SNX27: variants seen among roughly 807,000 people sequenced by gnomAD.
SNX27 encodes the protein sorting nexin-27.
SNX27 carries 22 observed loss-of-function variants against 71.6 expected under a neutral mutation model. That is an observed-to-expected ratio of 0.31 (90% CI 0.22 to 0.44). The LOEUF (loss-of-function observed/expected upper bound fraction) is 0.44. Ranked by LOEUF, SNX27 falls within the 20% of genes least tolerant of loss-of-function variation. The probability of loss-of-function intolerance (pLI) is 1.00; values close to 1 mark genes in which losing one functional copy is unlikely to be tolerated. For missense variants in SNX27, 531 were observed against 698.6 expected (o/e 0.76, Z 2.70); for synonymous variants, 269 against 277.2 (o/e 0.97, Z 0.29).
intron 1 of SNX27, among the ~76,000 whole-genome samples, chr1:151,637,925 T>C (rs185816296): frequency 3.3e-5 from 5 of 152,350 alleles, no homozygotes; most frequent in Admixed American, 6.5e-5. Flanking sequence ...GTGTATTTCC[T>C]ACCTCTCTTG....
At position 151,682,279 on chromosome 1, in the gene SNX27, A is replaced by G. The variant is rs148995681; in HGVS notation, c.1150-1077A>G. Among the ~76,000 whole-genome samples the G allele has an allele frequency of 1.9e-3, 295 of 152,246 alleles. 2 individuals carry two copies. Among genetic ancestry groups the G allele is most frequent in the African/African-American group, 6.6e-3 (276 of 41,554 alleles). ...ATTTTCACACTGCTATAAAGACACTACCTGAGATTAGGTAATTTATAAAGA... is the reference window on the plus strand; with the variant it reads ...ATTTTCACACTGCTATAAAGACACTGCCTGAGATTAGGTAATTTATAAAGA... On this transcript the variant is annotated intron_variant, in intron 7 of 11. Coordinates refer to ENST00000458013, the MANE Select transcript of SNX27 (RefSeq NM_001330723.2).
At position 151,693,420 on chromosome 1, in the gene SNX27, T is replaced by C. The variant is rs1558079032; in HGVS notation, c.1519-4T>C. The C allele has an allele frequency of 6.2e-7, 1 of 1,614,114 alleles. No individual in the cohort carries two copies. The highest frequency in any genetic ancestry group is 1.7e-5 in the Admixed American group (1 of 59,986). ...TTAGTGAGTGTCACCACCTTTTTTT[T>C]CAGTTCAATTACATGCATGAGTGCT... On this transcript the variant is annotated splice_polypyrimidine_tract_variant and splice_region_variant and intron_variant, in intron 10 of 11. Coordinates refer to ENST00000458013, the MANE Select transcript of SNX27 (RefSeq NM_001330723.2).
chr1:151,637,005 T>C (rs1668487507), intron 1 of SNX27, among the ~76,000 whole-genome samples: 1 of 152,188 alleles, frequency 6.6e-6, no homozygotes, highest in Admixed American at 6.5e-5. Context: ...TTTACACATG[T>C]GGAAAGCAAG....
intron 2 of SNX27, among the ~76,000 whole-genome samples, chr1:151,646,454 ATAGAG>A (rs1669035501): frequency 6.6e-6 from 1 of 151,282 alleles, no homozygotes; most frequent in Non-Finnish European, 1.5e-5. Flanking sequence ...TTTTGGATGG[ATAGAG>A]TATTTTTAAA....
intron 2 of SNX27, among the ~76,000 whole-genome samples, chr1:151,641,911 A>G (rs909451743): frequency 2.1e-5 from 3 of 143,092 alleles, no homozygotes; most frequent in African/African-American, 7.7e-5. Context: ...TGAGATATAT[A>G]TATCAGCTAT....
intron 7 of SNX27, among the ~76,000 whole-genome samples, chr1:151,674,166 T>C (rs1360404470): frequency 1.3e-5 from 2 of 152,156 alleles, no homozygotes; most frequent in Non-Finnish European, 2.9e-5. Context: ...TTTTCTGTGG[T>C]GATATGATTT....
At chr1:151,638,778 A>T in intron 1 of SNX27, 110 bp from the exon 2 acceptor site, 1 of 935,984 alleles carries the variant, frequency 1.1e-6, no homozygotes, top group Non-Finnish European at 1.6e-6. Context: ...TAATCTTTTG[A>T]CTTCATGGTT....
intron 7 of SNX27, among the ~76,000 whole-genome samples, chr1:151,668,850 A>G (rs1434322025): frequency 6.6e-6 from 1 of 152,206 alleles, no homozygotes; most frequent in Non-Finnish European, 1.5e-5. Context: ...TATTTTTTAA[A>G]TATGTATTCT....
intron 5 of SNX27, 73 bp from the exon 6 acceptor site, chr1:151,665,860 C>T (rs1374345144): frequency 2.4e-6 from 3 of 1,272,866 alleles, no homozygotes; most frequent in Admixed American, 3.7e-5. Context: ...CCTCCACAGA[C>T]ATACACCTGC....
rs190853199 is a variant in SNX27 at position 151,648,482 on chromosome 1, C to T, written c.543+9363C>T. Among the ~76,000 whole-genome samples, 431 of 152,196 alleles carry T rather than the reference C, an allele frequency of 2.8e-3. 1 individual carries two copies. Among genetic ancestry groups the T allele is most frequent in the African/African-American group, 9.6e-3 (397 of 41,528 alleles). ...TTGCCCAGGCTGGAGTGCAATAGCGCGATCTTGGCTCACTGCAACCTCCAC... is the reference window on the plus strand; with the variant it reads ...TTGCCCAGGCTGGAGTGCAATAGCGTGATCTTGGCTCACTGCAACCTCCAC... On this transcript the variant is annotated intron_variant, in intron 2 of 11. Transcript: ENST00000458013.
intron 1 of SNX27, among the ~76,000 whole-genome samples, chr1:151,626,660 C>T (rs1393923310): frequency 6.6e-6 from 1 of 151,932 alleles, no homozygotes; most frequent in Admixed American, 6.6e-5. Context: ...CAAGATCGTG[C>T]CACTGCACTC....
chr1:151,681,500 C>T (rs1419355680), intron 7 of SNX27, among the ~76,000 whole-genome samples: 1 of 151,978 alleles, frequency 6.6e-6, no homozygotes, highest in Admixed American at 6.6e-5. Context: ...CCTTGGCCTC[C>T]CAAAGTGCTG....
At chr1:151,670,051 C>T (rs750621162) in intron 7 of SNX27, among the ~76,000 whole-genome samples, 2 of 152,138 alleles carry the variant, frequency 1.3e-5, no homozygotes, top group Non-Finnish European at 2.9e-5. Context: ...TTCCCCACTA[C>T]CCTTCCCAGA....
At chr1:151,663,635 A>G (rs1670061319) in intron 5 of SNX27, among the ~76,000 whole-genome samples, 1 of 151,820 alleles carries the variant, frequency 6.6e-6, no homozygotes, top group African/African-American at 2.4e-5. Context: ...TATATTTTCT[A>G]TAAATGGAAG....
intron 1 of SNX27, among the ~76,000 whole-genome samples, chr1:151,614,896 C>G (rs1015808633): frequency 1.3e-5 from 2 of 152,172 alleles, no homozygotes; most frequent in African/African-American, 2.4e-5. Flanking sequence ...TTTGCAGATA[C>G]ACGCACACAT....
At chr1:151,625,784 C>CA (rs773796738) in intron 1 of SNX27, among the ~76,000 whole-genome samples, 11,869 of 83,094 alleles carry the variant, frequency 0.14, 581 homozygotes, top group African/African-American at 0.17. Flanking sequence ...ACTCTGTGTC[C>CA]AAAAAAAAAA....
intron 1 of SNX27, among the ~76,000 whole-genome samples, chr1:151,636,986 T>C (rs548102544): frequency 1.3e-5 from 2 of 152,238 alleles, no homozygotes; most frequent in African/African-American, 4.8e-5. Context: ...TAGGAACTTA[T>C]TGTCTCCATT....
chr1:151,618,095 G>A (rs1204866298), intron 1 of SNX27, among the ~76,000 whole-genome samples: 1 of 151,166 alleles, frequency 6.6e-6, no homozygotes, highest in Admixed American at 6.6e-5. Flanking sequence ...TGAACCCCTG[G>A]CCTCAAGTGA....
At position 151,694,403 on chromosome 1, in the gene SNX27, G is replaced by A; in HGVS notation, c.1612G>A (p.Asp538Asn). Residue 538 changes from aspartate (D) to asparagine (N), a missense_variant, in exon 12 of 12, where the codon GAT becomes AAT. Coordinates refer to ENST00000458013, the MANE Select transcript of SNX27 (RefSeq NM_001330723.2). The part of the protein sequence containing the change: ...IFQMARSQQR[D>N]VAT Reference sequence around the variant, plus strand: ...CCAGATGGCGAGGTCACAGCAGAGAGATGTGGCCACCTAGCCTTTCCTTAT... The same window carrying A: ...CCAGATGGCGAGGTCACAGCAGAGAAATGTGGCCACCTAGCCTTTCCTTAT... The A allele has an allele frequency of 6.5e-7, 1 of 1,550,102 alleles. No homozygotes were observed. Among genetic ancestry groups the A allele is most frequent in the Non-Finnish European group, 8.7e-7 (1 of 1,146,880 alleles).
Sources: gnomAD v4.1 joint callset for allele counts (sites outside exome capture counted in the v4.1 genomes callset) on GRCh38, gnomAD v4.1.1 for gene constraint, MANE v1.5 for transcripts, NCBI Gene and HGNC (gene_info 2026-07-23, HGNC 2026-07-21) for gene names.